The following STPG4 variants were observed in gnomAD, a reference collection of about 807,000 sequenced individuals.
STPG4 encodes protein STPG4.
STPG4 carries 41 observed loss-of-function variants against 31.5 expected under a neutral mutation model. The ratio of observed to expected loss-of-function variants is 1.30; its 90% CI spans 1.01 to 1.69. The LOEUF is 1.69. Ranked by LOEUF, STPG4 falls within the 40% of genes most tolerant of loss-of-function variation. STPG4 has a pLI of 0.00. For missense variants in STPG4, 375 were observed against 293.4 expected (o/e 1.28, Z -2.03); for synonymous variants, 141 against 103.0 (o/e 1.37, Z -2.24).
At chr2:47,100,091 C>T (rs915738390) in intron 5 of STPG4, among the ~76,000 whole-genome samples, 4 of 152,098 alleles carry the variant, frequency 2.6e-5, no homozygotes, top group African/African-American at 9.7e-5. Flanking sequence ...CCAGTCCCAT[C>T]GACCACCCAA....
chr2:47,102,032 G>A (rs555910928), intron 5 of STPG4, among the ~76,000 whole-genome samples: 14 of 151,998 alleles, frequency 9.2e-5, no homozygotes, highest in African/African-American at 2.2e-4. Flanking sequence ...TCGAGAATGC[G>A]TAGGTAAGGA....
intron 6 of STPG4, among the ~76,000 whole-genome samples, chr2:47,087,554 T>A (rs1685481368): frequency 6.6e-6 from 1 of 152,348 alleles, no homozygotes; most frequent in African/African-American, 2.4e-5. Flanking sequence ...ACCTGATTGG[T>A]CTAACTCAAA....
chr2:47,119,871 G>C (rs7583992), intron 5 of STPG4, among the ~76,000 whole-genome samples: 1 of 152,134 alleles, frequency 6.6e-6, no homozygotes, highest in Non-Finnish European at 1.5e-5. Context: ...GCTAAATGTG[G>C]GGAAAGCAGA....
rs528969970 is a variant in STPG4 at position 47,088,151 on chromosome 2, C to T, written c.625-1021G>A. ...ATGGAGTGCAGTGGCAGGACCTCAG[C>T]TCACTGCAACCTCCACCTCCTGGGC... is the stretch of plus-strand genomic sequence containing the variant. On this transcript the variant is annotated intron_variant, in intron 6 of 6. Transcript: ENST00000445927. Among the ~76,000 whole-genome samples, 14 of 152,170 alleles carry T rather than the reference C, an allele frequency of 9.2e-5. No individual in the cohort carries two copies. In the South Asian group the frequency reaches 1.5e-3, roughly 16 times the overall value.
intron 5 of STPG4, among the ~76,000 whole-genome samples, chr2:47,099,856 A>G (rs1012303864): frequency 3.9e-5 from 6 of 152,206 alleles, no homozygotes; most frequent in African/African-American, 9.7e-5. Flanking sequence ...GCCCCGGGCA[A>G]TGAGGGGCTT....
Position 47,151,366 on chromosome 2 carries a change from C to T in STPG4, c.291G>A (p.Pro97=), listed in dbSNP as rs746421233. 1.6e-5 allele frequency: 26 copies of T among 1,614,000 alleles called. 1 individual carries two copies. Among genetic ancestry groups the T allele is most frequent in the South Asian group, 4.4e-5 (4 of 91,086 alleles). ...QRNNPVLNDL[P]QYMPPDFLDL... Reference sequence around the variant, plus strand: ...CCAGGAAGTCAGGAGGCATATACTGCGGAAGATCATTTAGGACTGGATTGT... The same window carrying T: ...CCAGGAAGTCAGGAGGCATATACTGTGGAAGATCATTTAGGACTGGATTGT... The change falls in exon 3 of 7, where the codon CCG becomes CCA. Residue 97 remains proline, a synonymous_variant. Transcript: ENST00000445927.
intron 5 of STPG4, among the ~76,000 whole-genome samples, chr2:47,113,321 A>G (rs554383271): frequency 5.3e-5 from 8 of 152,250 alleles, no homozygotes; most frequent in African/African-American, 1.2e-4. Flanking sequence ...TTCAACAAAT[A>G]TAAGTGCTAA....
rs556747564 is a variant in STPG4, at chr2:47,138,810, A to T, written c.400-8550T>A. 9.2e-5 allele frequency among the ~76,000 whole-genome samples: 14 copies of T among 152,236 alleles called. No individual in the cohort carries two copies. In the East Asian group the frequency reaches 1.2e-3, roughly 13 times the overall value. Reference sequence around the variant, plus strand: ...TGATCTGCCTGCCTAGGCTTCCCAAAGTGCTGGGATTACAGGCATGAGCCA... The same window carrying T: ...TGATCTGCCTGCCTAGGCTTCCCAATGTGCTGGGATTACAGGCATGAGCCA... On this transcript the variant is annotated intron_variant, in intron 3 of 6. Transcript: ENST00000445927.
intron 5 of STPG4, among the ~76,000 whole-genome samples, chr2:47,096,383 TG>T (rs1685669229): frequency 6.6e-6 from 1 of 152,150 alleles, no homozygotes; most frequent in Non-Finnish European, 1.5e-5. Context: ...TAGGCCAAAA[TG>T]GGCAGGGCCT....
intron 5 of STPG4, chr2:47,108,713 T>A (rs912259238): frequency 6.5e-6 from 1 of 152,904 alleles, no homozygotes; most frequent in Non-Finnish European, 1.5e-5. Flanking sequence ...TTAACTAAGG[T>A]CACTCCCTCA....
At chr2:47,130,396 A>G in intron 3 of STPG4, 136 bp from the exon 4 acceptor site, 1 of 694,750 alleles carries the variant, frequency 1.4e-6, no homozygotes, top group Admixed American at 3.1e-5. Context: ...GTGGAAAAGG[A>G]AAATGTACAT....
chr2:47,141,526 C>G (rs929400847), intron 3 of STPG4, among the ~76,000 whole-genome samples: 28 of 149,882 alleles, frequency 1.9e-4, no homozygotes, highest in Non-Finnish European at 3.7e-4. Flanking sequence ...CACTGCATTA[C>G]TTTGCAGGGG....
intron 5 of STPG4, among the ~76,000 whole-genome samples, chr2:47,092,124 A>C (rs1394271845): frequency 3.2e-5 from 1 of 31,072 alleles, no homozygotes; most frequent in Non-Finnish European, 8.0e-5. Flanking sequence ...GCAAACAAAA[A>C]ATTTTTTTTG....
At chr2:47,095,646 G>T (rs1685655998) in intron 5 of STPG4, among the ~76,000 whole-genome samples, 1 of 152,170 alleles carries the variant, frequency 6.6e-6, no homozygotes, top group Non-Finnish European at 1.5e-5. Context: ...ATTGTTCCAG[G>T]CCATGGGCTG....
intron 5 of STPG4, among the ~76,000 whole-genome samples, chr2:47,118,663 C>A (rs1686200219): frequency 6.6e-6 from 1 of 152,108 alleles, no homozygotes; most frequent in African/African-American, 2.4e-5. Context: ...AAAAACTAAG[C>A]CCTGACTCTA....
chr2:47,142,836 CT>C (rs10686388), intron 3 of STPG4, among the ~76,000 whole-genome samples: 2,209 of 73,712 alleles, frequency 0.03, 12 homozygotes, highest in African/African-American at 0.061. Context: ...TTTATCTCAT[CT>C]TTTTTTTTTT....
At chr2:47,146,585 T>A (rs1389604343) in intron 3 of STPG4, among the ~76,000 whole-genome samples, 2 of 146,712 alleles carry the variant, frequency 1.4e-5, no homozygotes, top group African/African-American at 5.0e-5. Flanking sequence ...AAAAAGGAAT[T>A]GGATATACAA....
At chr2:47,119,938 C>G (rs1686233053) in intron 5 of STPG4, among the ~76,000 whole-genome samples, 1 of 152,092 alleles carries the variant, frequency 6.6e-6, no homozygotes, top group South Asian at 2.1e-4. Flanking sequence ...TTTATTTAGC[C>G]TAAAAGGGTG....
chr2:47,095,912 C>A (rs530583318), intron 5 of STPG4, among the ~76,000 whole-genome samples: 4 of 152,262 alleles, frequency 2.6e-5, no homozygotes, highest in Admixed American at 2.6e-4. Flanking sequence ...CTCCTTCCTG[C>A]CCACTGGGCC....
Sources: allele counts gnomAD v4.1 joint callset (sites outside exome capture counted in the v4.1 genomes callset), GRCh38; gene constraint gnomAD v4.1.1; transcripts MANE v1.5; gene names NCBI Gene and HGNC (gene_info 2026-07-23, HGNC 2026-07-21).